Variants in SFTPB observed in about 807,000 individuals in gnomAD.
The protein encoded by SFTPB is pulmonary surfactant-associated protein B.
Under a neutral mutation model 51.0 loss-of-function variants are expected in SFTPB, and 32 were observed. The ratio of observed to expected loss-of-function variants is 0.63; its 90% CI spans 0.47 to 0.84. The LOEUF (loss-of-function observed/expected upper bound fraction) is 0.84. Among genes scored for constraint, SFTPB ranks in the 40% least tolerant of loss-of-function variants. The pLI, the probability that SFTPB is intolerant of heterozygous loss-of-function variation, is 0.00. For synonymous variants in SFTPB, 211 were observed against 208.5 expected (o/e 1.01, Z -0.10); for missense variants, 431 against 491.2 (o/e 0.88, Z 1.16).
At chr2:85,666,558 T>A (rs1573478104) in intron 4 of SFTPB, 59 bp downstream of exon 4, 1 of 1,583,658 alleles carries the variant, frequency 6.3e-7, no homozygotes, top group East Asian at 2.3e-5. Flanking sequence ...TGGCTCCCCA[T>A]GGGTGGGCAC....
chr2:85,666,512 T>G (rs1324440373), intron 4 of SFTPB, 105 bp downstream of exon 4: 3 of 1,136,684 alleles, frequency 2.6e-6, no homozygotes, highest in Non-Finnish European at 3.8e-6. Flanking sequence ...TGTGTGTGTG[T>G]GTGTGTGTGT....
At chr2:85,663,961 G>GAAT in intron 6 of SFTPB, 114 bp from the exon 7 acceptor site, 3 of 1,003,650 alleles carry the variant, frequency 3.0e-6, no homozygotes, top group Non-Finnish European at 4.4e-6. Flanking sequence ...CTTCTAGAAG[G>GAAT]GAGGGCAAGG....
chr2:85,668,246 G>T, upstream of SFTPB: 1 of 1,497,434 alleles, frequency 6.7e-7, no homozygotes, highest in Non-Finnish European at 9.1e-7. Flanking sequence ...GCGGGGCGTG[G>T]GGGCTCTGTA....
chr2:85,665,245 G>A (rs762903837), intron 6 of SFTPB, 44 bp downstream of exon 6: 7 of 1,356,756 alleles, frequency 5.2e-6, no homozygotes, highest in Middle Eastern at 3.8e-4. Flanking sequence ...GGAGCTACAG[G>A]TATGCGTGTG....
At chr2:85,667,548 T>G (rs1203952278) in intron 2 of SFTPB, 131 bp downstream of exon 2, 18 of 1,175,074 alleles carry the variant, frequency 1.5e-5, no homozygotes, top group African/African-American at 3.0e-5. Flanking sequence ...TTATCCTATC[T>G]CATTTCATCT....
intron 6 of SFTPB, among the ~76,000 whole-genome samples, chr2:85,665,010 C>T (rs1478154459): frequency 6.6e-6 from 1 of 152,184 alleles, no homozygotes; most frequent in East Asian, 1.9e-4. Context: ...GACAAAGCTG[C>T]GTCTTGTCCG....
Position 85,662,067 on chromosome 2 carries a change from G to T in SFTPB, c.1045C>A (p.Leu349Met). Reference sequence around the variant, plus strand: ...TGGGCATCCCAGCCCCTGGGCACCAGGGTCAGCAGCTGGGGCGTGTGCTGC... The same window carrying T: ...TGGGCATCCCAGCCCCTGGGCACCATGGTCAGCAGCTGGGGCGTGTGCTGC... ...VEQHTPQLLT[L>M]VPRGWDAHTT... Residue 349 changes from leucine to methionine, a missense_variant, in exon 9 of 11, where the codon CTG (leucine) becomes ATG (methionine). By Grantham distance (15) the Leu-to-Met change is conservative. Transcript: ENST00000519937. 6.2e-7 allele frequency: 1 copy of T among 1,604,088 alleles called. No individual in the cohort carries two copies. Among genetic ancestry groups the T allele is most frequent in the South Asian group, 1.1e-5 (1 of 88,300 alleles).
At position 85,662,135 on chromosome 2, in the gene SFTPB, G is replaced by A. The variant is rs367862633; in HGVS notation, c.1003-26C>T. 5.7e-4 allele frequency: 907 copies of A among 1,586,836 alleles called. 10 individuals are homozygous for A. In the South Asian group the frequency reaches 8.0e-3, roughly 14 times the overall value. On this transcript the variant is annotated intron_variant, in intron 8 of 10. Coordinates refer to ENST00000519937, the MANE Select transcript of SFTPB (RefSeq NM_000542.5). Reference sequence around the variant, plus strand: ...CTGAGGAAGGAGACACACAGCTGTGGAGGGTCCCTTTGCAGGACTCTCCTG... The same window carrying A: ...CTGAGGAAGGAGACACACAGCTGTGAAGGGTCCCTTTGCAGGACTCTCCTG...
chr2:85,667,192 G>A lies in SFTPB; in HGVS notation c.196-15C>T, dbSNP rs769654081. 1.1e-5 allele frequency: 17 copies of A among 1,607,808 alleles called. No individual in the cohort carries two copies. The highest frequency in any genetic ancestry group is 1.4e-5 in the Non-Finnish European group (17 of 1,174,196). ...CATAGGTCATCCTGGGGAGGGAGGGGCCCCAAGGTGGAGGACACATGAGTG... is the reference window on the plus strand; with the variant it reads ...CATAGGTCATCCTGGGGAGGGAGGGACCCCAAGGTGGAGGACACATGAGTG... On this transcript the variant is annotated splice_polypyrimidine_tract_variant and intron_variant, in intron 2 of 10. Coordinates refer to ENST00000519937, the MANE Select transcript of SFTPB (RefSeq NM_000542.5).
intron 3 of SFTPB, 100 bp downstream of exon 3, chr2:85,667,006 C>T (rs1044303216): frequency 7.8e-6 from 9 of 1,159,482 alleles, no homozygotes; most frequent in African/African-American, 1.5e-5. Context: ...CAGGCCTCCT[C>T]CTCAGCCTGG....
intron 2 of SFTPB, 124 bp downstream of exon 2, chr2:85,667,555 A>G (rs1229803549): frequency 8.2e-7 from 1 of 1,226,500 alleles, no homozygotes; most frequent in Non-Finnish European, 1.2e-6. Context: ...ATCTCATTTC[A>G]TCTCATCCCA....
intron 2 of SFTPB, 71 bp downstream of exon 2, chr2:85,667,608 G>T: frequency 1.2e-6 from 2 of 1,600,200 alleles, no homozygotes; most frequent in Non-Finnish European, 8.6e-7. Context: ...CTCTCCTCCT[G>T]CCCATCCAGA....
At chr2:85,660,208 C>T (rs760628860) in intron 10 of SFTPB, among the ~76,000 whole-genome samples, 8 of 151,230 alleles carry the variant, frequency 5.3e-5, no homozygotes, top group African/African-American at 7.3e-5. Context: ...CTGCAATCTC[C>T]GCCTCCCAGG....
At position 85,667,741 on chromosome 2, in the gene SFTPB, G is replaced by A. The variant is rs1427648151; in HGVS notation, c.133C>T (p.Gln45Ter). The A allele has an allele frequency of 4.3e-6, 7 of 1,614,260 alleles. No homozygotes were observed. Among genetic ancestry groups the A allele is most frequent in the Non-Finnish European group, 5.9e-6 (7 of 1,180,046 alleles). ...CCTAGGGCTCTGCACTGCAATGCTT[G>A]CTCCAGGCTTTGGCACCAGAACTCA... ...GPEFWCQSLE[Q>*]ALQCRALGHC... Residue 45 changes from glutamine (Q) to a stop codon, truncating the protein, a stop_gained, in exon 2 of 11, where the codon CAA (glutamine) becomes TAA (stop). Coordinates refer to ENST00000519937, the MANE Select transcript of SFTPB (RefSeq NM_000542.5). LOFTEE classifies it high-confidence loss of function.
chr2:85,668,670 T>G, upstream of SFTPB: 1 of 169,578 alleles, frequency 5.9e-6, no homozygotes, highest in Non-Finnish European at 1.3e-5. Context: ...CACCACCTCC[T>G]TACCTTTTCC....
Position 85,667,154 on chromosome 2 carries a change from C to T in SFTPB, c.219G>A (p.Glu73=). 1 of 1,613,920 alleles carries T rather than the reference C, an allele frequency of 6.2e-7. No individual in the cohort carries two copies. The highest frequency in any genetic ancestry group is 8.5e-7 in the Non-Finnish European group (1 of 1,179,830). ...VGADDLCQEC[E]DIVHILNKMA... is the part of the protein sequence containing the mutation. ...TCTTGTTAAGGATGTGGACGATGTC[C>T]TCACACTCTTGGCATAGGTCATCCT... Residue 73 remains glutamate (E), a synonymous_variant, in exon 3 of 11, where the codon GAG becomes GAA. Transcript: ENST00000519937.
At chr2:85,668,242 C>T (rs762253717), upstream of SFTPB, 154 of 1,503,084 alleles carry the variant, frequency 1.0e-4, 3 homozygotes, top group Middle Eastern at 6.1e-4. Flanking sequence ...CTGGGCGGGG[C>T]GTGGGGGCTC....
In SFTPB at chr2:85,663,690, CACCGGAG is replaced by C; in HGVS notation, c.823_829del (p.Leu275AlafsTer29). On this transcript the variant is annotated frameshift_variant, in exon 7 of 11. Transcript: ENST00000519937. LOFTEE classifies it high-confidence loss of function. Reference sequence around the variant, plus strand: ...TGGGCCAGCGCTGTCATCCATGGAGCACCGGAGGACGAGGCGGCAGACCAGCTGGGGC... The same window carrying C: ...TGGGCCAGCGCTGTCATCCATGGAGCGACGAGGCGGCAGACCAGCTGGGGC... The C allele has an allele frequency of 6.2e-7, 1 of 1,612,662 alleles. No homozygotes were observed. The highest frequency in any genetic ancestry group is 8.5e-7 in the Non-Finnish European group (1 of 1,179,530).
rs1280741950 is a variant in SFTPB, at chr2:85,666,677, C to T, written c.333G>A (p.Gln111=). 6.2e-7 allele frequency: 1 copy of T among 1,613,882 alleles called. No individual in the cohort carries two copies. Among genetic ancestry groups the T allele is most frequent in the Non-Finnish European group, 8.5e-7 (1 of 1,179,872 alleles). Residue 111 remains glutamine, a synonymous_variant, in exon 4 of 11, where the codon CAG becomes CAA. Coordinates refer to ENST00000519937, the MANE Select transcript of SFTPB (RefSeq NM_000542.5). The part of the protein sequence containing the change: ...NVLPLKLLMP[Q]CNQVLDDYFP... ...AGTAGTCGTCAAGCACTTGGTTGCA[C>T]TGGGGCATGAGCAGCTTCAAGGGGA...
Sources: gnomAD v4.1 joint callset for allele counts (sites outside exome capture counted in the v4.1 genomes callset) on GRCh38, gnomAD v4.1.1 for gene constraint, MANE v1.5 for transcripts, NCBI Gene and HGNC (gene_info 2026-07-23, HGNC 2026-07-21) for gene names.